The following ABCA2 variants were observed in gnomAD, a reference collection of about 807,000 sequenced individuals.
The protein encoded by ABCA2 is ATP-binding cassette sub-family A member 2.
ABCA2 carries 84 observed loss-of-function variants against 262.8 expected under a neutral mutation model. The ratio of observed to expected loss-of-function variants is 0.32; its 90% confidence interval spans 0.27 to 0.38. The LOEUF is 0.38. ABCA2 is among the 10% of genes least tolerant of loss of function. The pLI is 1.00. For synonymous variants in ABCA2, 1,696 were observed against 1,502.9 expected (o/e 1.13, Z -2.97); for missense variants, 2,662 against 3,405.9 (o/e 0.78, Z 5.44).
At chr9:137,024,034 C>T (rs1203884801) in intron 2 of ABCA2, 109 bp downstream of exon 2, 1 of 1,514,394 alleles carries the variant, frequency 6.6e-7, no homozygotes, top group Admixed American at 2.1e-5. Flanking sequence ...GGCACCGCAC[C>T]TCAGGGACTC....
In ABCA2 at chr9:137,021,705, C is replaced by G. The variant is rs978474172; in HGVS notation, c.679-95G>C. 6 of 1,386,154 alleles carry G rather than the reference C, an allele frequency of 4.3e-6. 1 individual carries two copies. In the Admixed American group the frequency reaches 1.2e-4, roughly 29 times the overall value. 85.9% of individuals were successfully genotyped at this position (1,386,154 alleles called of 1,614,324 possible). A position where few individuals can be genotyped will look rare whatever the true frequency, so the allele number is the denominator to read the frequency against. On this transcript the variant is annotated intron_variant, in intron 7 of 48. Transcript: ENST00000341511. This position sits in a 1 kb window ranked among gnomAD's most constrained non-coding sequence, Gnocchi z 6.0. ...TCACCCTGCCCCACCCACTGGCTGGCTCTGGGGCTGCCTGGGTCCCACGAC... is the reference window on the plus strand; with the variant it reads ...TCACCCTGCCCCACCCACTGGCTGGGTCTGGGGCTGCCTGGGTCCCACGAC...
In ABCA2 at chr9:137,023,604, G is replaced by C; in HGVS notation, c.163+234C>G. On this transcript the variant is annotated intron_variant, in intron 3 of 48. Coordinates refer to ENST00000341511, the MANE Select transcript of ABCA2 (RefSeq NM_001606.5). ...AGGCAAGGCCAGGCAGAGAGATGCCGCCTCAGCTTGACCCAGGCACCAGCT... is the reference window on the plus strand; with the variant it reads ...AGGCAAGGCCAGGCAGAGAGATGCCCCCTCAGCTTGACCCAGGCACCAGCT... 4.1e-6 allele frequency: 3 copies of C among 723,710 alleles called. No homozygotes were observed. In the South Asian group the frequency reaches 4.3e-5, roughly 10 times the overall value. The allele number at this position is 723,710 out of a possible 1,614,324, so 44.8% of individuals were successfully genotyped here.
rs557783565 is a variant in ABCA2 at position 137,010,470 on chromosome 9, G to A, written c.6175-99C>T. The A allele has an allele frequency of 7.6e-4, 1,119 of 1,471,618 alleles. 6 individuals are homozygous for A. Among genetic ancestry groups the A allele is most frequent in the Middle Eastern group, 6.3e-3 (26 of 4,102 alleles). 91.2% of individuals were successfully genotyped at this position (1,471,618 alleles called of 1,614,324 possible). A position where few individuals can be genotyped will look rare whatever the true frequency, so the allele number is the denominator to read the frequency against. On this transcript the variant is annotated intron_variant, in intron 40 of 48. Coordinates refer to ENST00000341511, the MANE Select transcript of ABCA2 (RefSeq NM_001606.5). ...CCTGCCCCACCTCCAGAGCCCAGGG[G>A]GCCACGTGCCCCACAGCCCCACCCC...
chr9:137,023,193 G>T (rs770119150), intron 3 of ABCA2, 141 bp from the exon 4 acceptor site: 11 of 712,496 alleles, frequency 1.5e-5, no homozygotes, highest in Non-Finnish European at 2.4e-5. Context: ...GGGAGAAGGC[G>T]GCACAGAGCC....
Position 137,020,880 on chromosome 9 carries a change from G to A in ABCA2, c.1079C>T (p.Pro360Leu). The change falls in exon 9 of 49, where the codon CCA becomes CTA. Residue 360 changes from proline (P) to leucine (L), a missense_variant. Pro to Leu is a moderately conservative substitution (Grantham distance 98). Coordinates refer to ENST00000341511, the MANE Select transcript of ABCA2 (RefSeq NM_001606.5). ...GGCCGCCCCACCCGCACCACTGGCT[G>A]GGGGTCCGGGGGTCCGGCCAGTGCA... is the stretch of plus-strand genomic sequence containing the variant. The part of the protein sequence containing the change: ...GACTGRTPGP[P>L]ASGAGGAANG... 1 of 1,546,460 alleles carries A rather than the reference G, an allele frequency of 6.5e-7. No homozygotes were observed. Among genetic ancestry groups the A allele is most frequent in the Non-Finnish European group, 8.7e-7 (1 of 1,144,580 alleles).
At chr9:137,015,329 G>T in intron 24 of ABCA2, 85 bp downstream of exon 24, 1 of 1,437,676 alleles carries the variant, frequency 7.0e-7, no homozygotes. Flanking sequence ...GACGGTGAGG[G>T]CCCAGCCTCT....
intron 34 of ABCA2, 30 bp downstream of exon 34, chr9:137,012,072 C>T (rs772014530): frequency 6.2e-7 from 1 of 1,612,526 alleles, no homozygotes; most frequent in Non-Finnish European, 8.5e-7. Context: ...GCCCACCTGC[C>T]CCACCTCATC....
In ABCA2 at chr9:137,015,749, A is replaced by G; in HGVS notation, c.3440T>C (p.Leu1147Pro). The G allele has an allele frequency of 6.2e-7, 1 of 1,612,350 alleles. No homozygotes were observed. The highest frequency in any genetic ancestry group is 8.5e-7 in the Non-Finnish European group (1 of 1,179,816). Reference protein sequence around the residue: ...AFVGGSRAIILDEPTAGVDPY... With the variant: ...AFVGGSRAIIPDEPTAGVDPY... ...GTCCACGCCCGCCGTGGGCTCGTCC[A>G]GGATGATGGCGCGAGAGCCGCCCAC... The change falls in exon 23 of 49, where the codon CTG (leucine) becomes CCG (proline). Residue 1147 changes from leucine (L) to proline (P), a missense_variant. Physicochemically the swap from Leu to Pro is moderately conservative, Grantham distance 98. Coordinates refer to ENST00000341511, the MANE Select transcript of ABCA2 (RefSeq NM_001606.5).
rs949658950 is a variant in ABCA2 at position 137,021,255 on chromosome 9, C to A, written c.897+137G>T. The A allele has an allele frequency of 5.4e-6, 7 of 1,298,270 alleles. No homozygotes were observed. The highest frequency in any genetic ancestry group is 7.3e-6 in the Non-Finnish European group (7 of 960,898). 80.4% of individuals were successfully genotyped at this position (1,298,270 alleles called of 1,614,324 possible). A position where few individuals can be genotyped will look rare whatever the true frequency, so the allele number is the denominator to read the frequency against. On this transcript the variant is annotated intron_variant, in intron 8 of 48. Transcript: ENST00000341511. This position sits in a 1 kb window ranked among gnomAD's most constrained non-coding sequence, Gnocchi z 6.0. ...CAGGAGTGGGGCACCAGCCATGGTGCCATTGGATACCCACCCACAGGCAGC... is the reference window on the plus strand; with the variant it reads ...CAGGAGTGGGGCACCAGCCATGGTGACATTGGATACCCACCCACAGGCAGC...
chr9:137,012,915 C>T lies in ABCA2; in HGVS notation c.4878G>A (p.Thr1626=), dbSNP rs768920349. Residue 1626 remains threonine, a synonymous_variant, in exon 31 of 49, where the codon ACG becomes ACA. Transcript: ENST00000341511. The stretch of plus-strand genomic sequence containing the variant: ...CCAGGCGCGGCAGGGAGGGTGCCGA[C>T]GTCCACATTTCTGTGGGCACAGCAT... ...LPPTAGPEMW[T]SAPSLPRLVR... is the part of the protein sequence containing the mutation. The T allele has an allele frequency of 1.7e-5, 26 of 1,521,480 alleles. No individual in the cohort carries two copies. Among genetic ancestry groups the T allele is most frequent in the Non-Finnish European group, 2.0e-5 (23 of 1,133,068 alleles). 94.2% of individuals were successfully genotyped at this position (1,521,480 alleles called of 1,614,324 possible).
Position 137,021,900 on chromosome 9 carries a change from G to C in ABCA2, c.669C>G (p.Phe223Leu), listed in dbSNP as rs1320628021. 6.9e-6 allele frequency: 11 copies of C among 1,597,010 alleles called. No individual in the cohort carries two copies. The highest frequency in any genetic ancestry group is 9.4e-6 in the Non-Finnish European group (11 of 1,172,888). ...PWSRLGGNPL[F>L]RMEELLLAPA... ...ACATGGATGCCCTCACCTCCATCCG[G>C]AACAGGGGATTGCCCCCTAGGCGGC... Residue 223 changes from phenylalanine to leucine, a missense_variant, in exon 7 of 49, where the codon TTC becomes TTG. Transcript: ENST00000341511. The surrounding 1 kb of genome is among the most constrained non-coding windows in gnomAD (Gnocchi z 6.0).
At position 137,019,000 on chromosome 9, in the gene ABCA2, C is replaced by G. The variant is rs369680440; in HGVS notation, c.1625G>C (p.Arg542Thr). 61 of 1,612,880 alleles carry G rather than the reference C, an allele frequency of 3.8e-5. No individual in the cohort carries two copies. The highest frequency in any genetic ancestry group is 5.2e-5 in the Non-Finnish European group (61 of 1,179,888). The part of the protein sequence containing the change: ...LSLDELPPAL[R>T]QDNFSLPSGM... The stretch of plus-strand genomic sequence containing the variant: ...ACTGGGCAGCGAGAAGTTGTCCTGT[C>G]TCAGGGCCGGCGGCAGCTCATCCAG... Residue 542 changes from arginine (R) to threonine (T), a missense_variant, in exon 12 of 49, where the codon AGA becomes ACA. By Grantham distance (71) the Arg-to-Thr change is moderately conservative. Coordinates refer to ENST00000341511, the MANE Select transcript of ABCA2 (RefSeq NM_001606.5).
At chr9:137,012,413 C>T in intron 32 of ABCA2, 37 bp from the exon 33 acceptor site, 1 of 1,605,636 alleles carries the variant, frequency 6.2e-7, no homozygotes, top group Non-Finnish European at 8.5e-7. Flanking sequence ...GCCCCAGGAC[C>T]TCAGACCTGG....
In ABCA2 at chr9:137,013,332, C is replaced by G; in HGVS notation, c.4551-14G>C. On this transcript the variant is annotated splice_polypyrimidine_tract_variant and intron_variant, in intron 29 of 48. Transcript: ENST00000341511. ...GATAGCCGCAGCCTGCGGGCACCGA[C>G]AGTGTGAGGTGGGGCTGCCAGTCTC... 1 of 1,538,108 alleles carries G rather than the reference C, an allele frequency of 6.5e-7. No homozygotes were observed. The highest frequency in any genetic ancestry group is 8.7e-7 in the Non-Finnish European group (1 of 1,148,582).
chr9:137,011,403 C>G lies in ABCA2; in HGVS notation c.5799+4G>C. On this transcript the variant is annotated splice_donor_region_variant and intron_variant, in intron 37 of 48. Coordinates refer to ENST00000341511, the MANE Select transcript of ABCA2 (RefSeq NM_001606.5). This position sits in a 1 kb window ranked among gnomAD's most constrained non-coding sequence, Gnocchi z 8.8. ...CCACCCCCACCATGTCGTCACCGCC[C>G]CACCTTGTCGTGCTCGAAGAGCTGT... 3 of 1,610,070 alleles carry G rather than the reference C, an allele frequency of 1.9e-6. No homozygotes were observed. The highest frequency in any genetic ancestry group is 2.5e-6 in the Non-Finnish European group (3 of 1,178,702).
Position 137,013,517 on chromosome 9 carries a change from G to A in ABCA2, c.4494C>T (p.Tyr1498=), listed in dbSNP as rs775751805. Residue 1498 remains tyrosine, a synonymous_variant, in exon 29 of 49, where the codon TAC becomes TAT. Transcript: ENST00000341511. Reference sequence around the variant, plus strand: ...GGATGAAATTGCCACGGGGCTGGGTGTAGTTGTGGTACTGGGAAGGTGACA... The same window carrying A: ...GGATGAAATTGCCACGGGGCTGGGTATAGTTGTGGTACTGGGAAGGTGACA... The part of the protein sequence containing the change: ...LVLSPSQYHN[Y]TQPRGNFIPY... 46 of 1,610,242 alleles carry A rather than the reference G, an allele frequency of 2.9e-5. No individual in the cohort carries two copies. Among genetic ancestry groups the A allele is most frequent in the Middle Eastern group, 1.6e-4 (1 of 6,082 alleles).
chr9:137,016,826 C>A, intron 19 of ABCA2, 88 bp from the exon 20 acceptor site: 3 of 1,556,410 alleles, frequency 1.9e-6, no homozygotes, highest in Admixed American at 1.7e-5. Flanking sequence ...AGGGAGCCAC[C>A]CGTGCTGCAT....
At chr9:137,020,164 A>G (rs55886529) in intron 10 of ABCA2, 172 bp downstream of exon 10, 72,729 of 837,612 alleles carry the variant, frequency 0.087, 3,887 homozygotes, top group African/African-American at 0.2. Flanking sequence ...AGCTCCCGAA[A>G]GGAAAAGCGA....
chr9:137,007,725 G>T lies in ABCA2; in HGVS notation c.*204C>A. 1 of 704,022 alleles carries T rather than the reference G, an allele frequency of 1.4e-6. No individual in the cohort carries two copies. Among genetic ancestry groups the T allele is most frequent in the Non-Finnish European group, 2.4e-6 (1 of 417,024 alleles). 43.6% of individuals were successfully genotyped at this position (704,022 alleles called of 1,614,324 possible). On this transcript the variant is annotated 3_prime_UTR_variant, in exon 49 of 49. Transcript: ENST00000341511. The stretch of plus-strand genomic sequence containing the variant: ...GGTGTACGCAGCCCGGGCCGGGTCA[G>T]CCTTTGGCACAATTAGGGGCGGCAA...
Sources: gnomAD v4.1 joint callset for allele counts on GRCh38, gnomAD v4.1.1 for gene constraint, Gnocchi (gnomAD v3.1) non-coding constraint, MANE v1.5 for transcripts, NCBI Gene and HGNC (gene_info 2026-07-23, HGNC 2026-07-21) for gene names.